Variants in PON3 observed in about 807,000 individuals in gnomAD.
The protein encoded by PON3 is paraoxonase 3, also known as serum paraoxonase/lactonase 3.
In PON3, 37 loss-of-function variants were observed where a neutral mutation model predicts 36.3. That is an observed-to-expected ratio of 1.02 (90% CI 0.78 to 1.34). PON3 has a LOEUF of 1.34. PON3 is among the 40% of genes most tolerant of loss of function. The pLI is 0.00. For missense variants in PON3, 415 were observed against 426.5 expected (o/e 0.97, Z 0.24); for synonymous variants, 155 against 154.8 (o/e 1.00, Z -0.01).
chr7:95,376,259 A>G (rs1808911051), intron 3 of PON3, among the ~76,000 whole-genome samples: 1 of 152,238 alleles, frequency 6.6e-6, no homozygotes, highest in African/African-American at 2.4e-5. Flanking sequence ...CAAAGTGTGA[A>G]GAAGGGAGTA....
At chr7:95,371,466 C>G (rs1053021799) in intron 4 of PON3, among the ~76,000 whole-genome samples, 6 of 152,096 alleles carry the variant, frequency 3.9e-5, no homozygotes, top group African/African-American at 1.4e-4. Flanking sequence ...TTGTTATTGT[C>G]TGTCTTTTTA....
rs1808525559 is a variant in PON3, at chr7:95,359,931, A to T, written c.*42T>A. The stretch of plus-strand genomic sequence containing the variant: ...CATACAATTATCAGTTTACTTTTAC[A>T]AAATATGTAGACTTTTTTTTTTTTT... On this transcript the variant is annotated 3_prime_UTR_variant, in exon 9 of 9. Coordinates refer to ENST00000265627, the MANE Select transcript of PON3 (RefSeq NM_000940.3). 6.3e-7 allele frequency: 1 copy of T among 1,579,638 alleles called. No homozygotes were observed. Among genetic ancestry groups the T allele is most frequent in the Non-Finnish European group, 8.6e-7 (1 of 1,159,746 alleles).
intron 4 of PON3, among the ~76,000 whole-genome samples, chr7:95,370,808 T>C (rs1325899647): frequency 2.6e-5 from 4 of 152,282 alleles, no homozygotes; most frequent in African/African-American, 7.2e-5. Flanking sequence ...TTTTGAGATA[T>C]AATTCACACA....
intron 3 of PON3, among the ~76,000 whole-genome samples, chr7:95,376,655 A>C (rs1047080093): frequency 6.6e-6 from 1 of 151,890 alleles, no homozygotes; most frequent in African/African-American, 2.4e-5. Context: ...AAAAAAAAAA[A>C]GAAAACATAC....
chr7:95,371,611 G>C (rs1643262450), intron 4 of PON3, among the ~76,000 whole-genome samples: 1 of 152,048 alleles, frequency 6.6e-6, no homozygotes, highest in Admixed American at 6.6e-5. Flanking sequence ...TGTCTATCTA[G>C]GTAGATACTT....
chr7:95,379,193 CA>C (rs1351145101), intron 3 of PON3, among the ~76,000 whole-genome samples: 1 of 152,046 alleles, frequency 6.6e-6, no homozygotes, highest in Non-Finnish European at 1.5e-5. Context: ...AACAATTCAA[CA>C]AGAGTTAACT....
At chr7:95,387,344 A>T (rs2116417708) in intron 3 of PON3, among the ~76,000 whole-genome samples, 1 of 152,344 alleles carries the variant, frequency 6.6e-6, no homozygotes, top group East Asian at 1.9e-4. Flanking sequence ...CACCAATAAC[A>T]GACAGAGAGC....
chr7:95,362,733 T>C (rs375392491), intron 7 of PON3, 27 bp downstream of exon 7: 6 of 1,560,260 alleles, frequency 3.8e-6, no homozygotes, highest in Admixed American at 3.3e-5. Flanking sequence ...GAAGTCAGAT[T>C]GTGTGGGCCA....
At chr7:95,375,900 C>T (rs189743390) in intron 3 of PON3, among the ~76,000 whole-genome samples, 13 of 152,244 alleles carry the variant, frequency 8.5e-5, no homozygotes, top group African/African-American at 2.6e-4. Context: ...TTATTTTTCC[C>T]AACAAACTAC....
chr7:95,384,861 C>T (rs1327373637), intron 3 of PON3, among the ~76,000 whole-genome samples: 1 of 152,070 alleles, frequency 6.6e-6, no homozygotes, highest in South Asian at 2.1e-4. Context: ...GGGTATATAC[C>T]CAAAGGAATA....
chr7:95,372,363 G>A (rs1296785597), intron 3 of PON3, 25 bp from the exon 4 acceptor site: 2 of 1,608,664 alleles, frequency 1.2e-6, no homozygotes, highest in African/African-American at 2.7e-5. Context: ...GAACAAGTGT[G>A]CACACATATA....
chr7:95,372,056 C>T (rs1808819524), intron 4 of PON3, 117 bp downstream of exon 4: 1 of 1,235,152 alleles, frequency 8.1e-7, no homozygotes, highest in Non-Finnish European at 1.2e-6. Flanking sequence ...AAAAAAAACA[C>T]ATCTGTATGG....
chr7:95,387,283 C>T (rs1428633731), intron 3 of PON3, among the ~76,000 whole-genome samples: 2 of 152,174 alleles, frequency 1.3e-5, no homozygotes, highest in East Asian at 3.8e-4. Context: ...GCAACTTCAG[C>T]AAAGTTTCAG....
intron 3 of PON3, among the ~76,000 whole-genome samples, chr7:95,386,619 T>C (rs1247996641): frequency 1.3e-5 from 2 of 151,976 alleles, no homozygotes; most frequent in African/African-American, 4.9e-5. Flanking sequence ...GAATCCTCCA[T>C]AACTCATTTT....
At chr7:95,369,624 A>C (rs1185009483) in intron 4 of PON3, among the ~76,000 whole-genome samples, 1 of 152,118 alleles carries the variant, frequency 6.6e-6, no homozygotes, top group Non-Finnish European at 1.5e-5. Context: ...AAAATACAAA[A>C]AATTAGCCGG....
chr7:95,376,760 T>C (rs1171365095), intron 3 of PON3, among the ~76,000 whole-genome samples: 1 of 152,000 alleles, frequency 6.6e-6, no homozygotes, highest in Non-Finnish European at 1.5e-5. Context: ...ACATTGAAAA[T>C]TTAAACTGAA....
chr7:95,381,251 C>A (rs557750270), intron 3 of PON3, among the ~76,000 whole-genome samples: 1 of 152,254 alleles, frequency 6.6e-6, no homozygotes, highest in Non-Finnish European at 1.5e-5. Flanking sequence ...CAAAAACATG[C>A]CAAATTGTAA....
In PON3 at chr7:95,362,343, G is replaced by A. The variant is rs1210767206; in HGVS notation, c.906+19C>T. 7.4e-6 allele frequency: 12 copies of A among 1,613,438 alleles called. No homozygotes were observed. The highest frequency in any genetic ancestry group is 1.7e-5 in the Admixed American group (1 of 59,950). On this transcript the variant is annotated intron_variant, in intron 8 of 8. Coordinates refer to ENST00000265627, the MANE Select transcript of PON3 (RefSeq NM_000940.3). Reference sequence around the variant, plus strand: ...TCTTGCAGCTTTGCCTGTGAGCTCAGAGAGGTATAGGAACTTACTTCTGAT... The same window carrying A: ...TCTTGCAGCTTTGCCTGTGAGCTCAAAGAGGTATAGGAACTTACTTCTGAT...
chr7:95,392,594 C>T (rs1045091790), intron 2 of PON3, among the ~76,000 whole-genome samples: 2 of 152,102 alleles, frequency 1.3e-5, no homozygotes, highest in Non-Finnish European at 2.9e-5. Context: ...TATCCTATTC[C>T]ACTAAGTTGA....
Sources: allele counts gnomAD v4.1 joint callset (sites outside exome capture counted in the v4.1 genomes callset), GRCh38; gene constraint gnomAD v4.1.1; transcripts MANE v1.5; gene names NCBI Gene and HGNC (gene_info 2026-07-23, HGNC 2026-07-21).